EXD3: variants seen among roughly 807,000 people sequenced by gnomAD.
EXD3 encodes the protein exonuclease mut-7 homolog.
EXD3 carries 92 observed loss-of-function variants against 98.0 expected under a neutral mutation model. The observed-to-expected ratio is 0.94, with a 90% CI of 0.79 to 1.12. The LOEUF is 1.12. EXD3 is among the 50% of genes most tolerant of loss of function. EXD3 has a pLI of 0.00. For synonymous variants in EXD3, 569 were observed against 526.0 expected (o/e 1.08, Z -1.12); for missense variants, 1,222 against 1,191.6 (o/e 1.03, Z -0.38).
In EXD3 at chr9:137,355,555, A is replaced by C. The variant is rs71485016; in HGVS notation, c.757+713T>G. 1.5e-3 allele frequency among the ~76,000 whole-genome samples: 65 copies of C among 44,812 alleles called. 2 individuals are homozygous for C. The highest frequency in any genetic ancestry group is 4.5e-3 in the Admixed American group (14 of 3,116). 29.4% of individuals were successfully genotyped at this position (44,812 alleles called of 152,430 possible). A position where few individuals can be genotyped will look rare whatever the true frequency, so the allele number is the denominator to read the frequency against. ...AGGAAGGAGGAAGGAGGAAGGAGGA[A>C]GGAGGAAGGGAGGATGGAGGAAGGA... On this transcript the variant is annotated intron_variant, in intron 8 of 21. Transcript: ENST00000340951.
intron 20 of EXD3, among the ~76,000 whole-genome samples, chr9:137,308,284 C>T (rs924169882): frequency 6.6e-6 from 1 of 152,184 alleles, no homozygotes; most frequent in Non-Finnish European, 1.5e-5. Context: ...CATTTCGCTA[C>T]AGATGGCTCC....
chr9:137,364,124 A>C (rs1211012876), intron 7 of EXD3, among the ~76,000 whole-genome samples: 3 of 151,974 alleles, frequency 2.0e-5, no homozygotes, highest in African/African-American at 7.3e-5. Context: ...ATCACTGTGG[A>C]CTCGTGGACT....
In EXD3 at chr9:137,395,607, C is replaced by A. The variant is rs1837177513; in HGVS notation, c.-47-203G>T. Among the ~76,000 whole-genome samples the A allele has an allele frequency of 6.6e-6, 1 of 152,116 alleles. No individual in the cohort carries two copies. ...GGCTGCCAAGTTTGGACCCTGCATTCCAGTTCCCTGCCAAACCGTCCCAGC... is the reference window on the plus strand; with the variant it reads ...GGCTGCCAAGTTTGGACCCTGCATTACAGTTCCCTGCCAAACCGTCCCAGC... On this transcript the variant is annotated intron_variant, in intron 1 of 21. Coordinates refer to ENST00000340951, the MANE Select transcript of EXD3 (RefSeq NM_017820.5). This position sits in a 1 kb window ranked among gnomAD's most constrained non-coding sequence, Gnocchi z 6.5.
intron 8 of EXD3, among the ~76,000 whole-genome samples, chr9:137,355,537 A>AG (rs1285060461): frequency 8.1e-6 from 1 of 123,772 alleles, no homozygotes; most frequent in African/African-American, 3.3e-5. Context: ...TGGAGGAAGG[A>AG]GGAAGGAGGA....
intron 6 of EXD3, among the ~76,000 whole-genome samples, chr9:137,367,286 T>C (rs914699364): frequency 1.3e-5 from 2 of 152,078 alleles, no homozygotes; most frequent in African/African-American, 4.8e-5. Flanking sequence ...CCAGCTCTTG[T>C]AGACCTGGAG....
intron 7 of EXD3, chr9:137,366,226 A>G (rs1835246161): frequency 7.1e-6 from 5 of 703,212 alleles, no homozygotes; most frequent in African/African-American, 1.7e-5. Flanking sequence ...CTGCATGAGA[A>G]GAGCCACCAC....
At chr9:137,390,979 GTC>G (rs1836875041) in intron 2 of EXD3, among the ~76,000 whole-genome samples, 1 of 152,266 alleles carries the variant, frequency 6.6e-6, no homozygotes, top group Non-Finnish European at 1.5e-5. Flanking sequence ...GGACAAGCCC[GTC>G]CCCAGGGTCC....
chr9:137,357,811 A>C (rs1364966025), intron 7 of EXD3, among the ~76,000 whole-genome samples: 6 of 151,870 alleles, frequency 4.0e-5, no homozygotes, highest in African/African-American at 1.5e-4. Flanking sequence ...ACAATAGGCC[A>C]TGTGCAAGCT....
intron 17 of EXD3, among the ~76,000 whole-genome samples, chr9:137,337,608 G>A (rs1056564647): frequency 1.6e-4 from 24 of 151,606 alleles, no homozygotes; most frequent in South Asian, 4.2e-4. Flanking sequence ...CCGAGATTTC[G>A]CCACTGCACT....
chr9:137,321,177 CAG>C (rs1382182292), intron 19 of EXD3, among the ~76,000 whole-genome samples: 1 of 152,264 alleles, frequency 6.6e-6, no homozygotes, highest in Non-Finnish European at 1.5e-5. Flanking sequence ...CAATCCCCGC[CAG>C]GCCCAGCCTG....
At chr9:137,377,822 C>G (rs1157246407) in intron 3 of EXD3, among the ~76,000 whole-genome samples, 3 of 131,422 alleles carry the variant, frequency 2.3e-5, no homozygotes, top group African/African-American at 8.8e-5. Context: ...GGGACAGAGT[C>G]TTGCTCTGTC....
At chr9:137,412,036 G>A (rs1438184600) in intron 1 of EXD3, among the ~76,000 whole-genome samples, 1 of 152,158 alleles carries the variant, frequency 6.6e-6, no homozygotes, top group Non-Finnish European at 1.5e-5. Flanking sequence ...CCGATGGGGG[G>A]CTCCCAGGCT....
chr9:137,373,204 G>A, intron 4 of EXD3, 132 bp from the exon 5 acceptor site: 1 of 1,219,208 alleles, frequency 8.2e-7, no homozygotes, highest in Non-Finnish European at 1.1e-6. Context: ...GTGGTCTGCA[G>A]GGCTGGGGCA....
intron 20 of EXD3, 116 bp downstream of exon 20, chr9:137,309,491 C>A: frequency 1.2e-6 from 1 of 824,896 alleles, no homozygotes. Flanking sequence ...ACCTGGCTGC[C>A]ACCCTTATCT....
intron 19 of EXD3, among the ~76,000 whole-genome samples, chr9:137,312,716 G>T (rs1831431374): frequency 6.6e-6 from 1 of 152,190 alleles, no homozygotes; most frequent in Non-Finnish European, 1.5e-5. Flanking sequence ...GGGGTGAGCA[G>T]CTAGGAGGGC....
At chr9:137,330,561 G>GA (rs1564482163) in intron 17 of EXD3, among the ~76,000 whole-genome samples, 7 of 131,842 alleles carry the variant, frequency 5.3e-5, no homozygotes, top group Non-Finnish European at 4.7e-5. Flanking sequence ...AGCTACACAG[G>GA]GCTCCACAGG....
intron 5 of EXD3, among the ~76,000 whole-genome samples, chr9:137,368,329 G>A (rs1835377363): frequency 6.6e-6 from 1 of 152,210 alleles, no homozygotes; most frequent in African/African-American, 2.4e-5. Flanking sequence ...TAGGAGGTGG[G>A]GTCAAGGCAA....
intron 7 of EXD3, 30 bp from the exon 8 acceptor site, chr9:137,356,398 T>C: frequency 3.7e-6 from 5 of 1,364,402 alleles, no homozygotes; most frequent in Non-Finnish European, 5.1e-6. Context: ...CAGCCTCTGT[T>C]GCTGTTTTAA....
chr9:137,354,288 GACA>G (rs1484549525), intron 10 of EXD3, 48 bp downstream of exon 10: 2 of 1,603,354 alleles, frequency 1.2e-6, no homozygotes, highest in Non-Finnish European at 1.7e-6. Context: ...GTGCCCCTAG[GACA>G]GCCGCCCAGG....
Sources: gnomAD v4.1 joint callset for allele counts (sites outside exome capture counted in the v4.1 genomes callset) on GRCh38, gnomAD v4.1.1 for gene constraint, Gnocchi (gnomAD v3.1) non-coding constraint, MANE v1.5 for transcripts, NCBI Gene and HGNC (gene_info 2026-07-23, HGNC 2026-07-21) for gene names.